Variants in ANKS4B observed in about 807,000 individuals in gnomAD.
The protein encoded by ANKS4B is ankyrin repeat and SAM domain-containing protein 4B.
In ANKS4B, 21 loss-of-function variants were observed where a neutral mutation model predicts 20.2. The ratio of observed to expected loss-of-function variants is 1.04; its 90% CI spans 0.74 to 1.50. The LOEUF (loss-of-function observed/expected upper bound fraction) is 1.50, where lower values mean the gene tolerates loss of function less well. ANKS4B is among the 40% of genes most tolerant of loss of function. The pLI, the probability that ANKS4B is intolerant of heterozygous loss-of-function variation, is 0.00. For synonymous variants in ANKS4B, 179 were observed against 194.5 expected, an observed-to-expected ratio of 0.92 and a Z score of 0.66; for missense variants, 473 against 494.6, an observed-to-expected ratio of 0.96 and a Z score of 0.41.
In ANKS4B at chr16:21,250,841, C is replaced by A; in HGVS notation, c.*21C>A. The A allele has an allele frequency of 6.4e-7, 1 of 1,566,922 alleles. No individual in the cohort carries two copies. The highest frequency in any genetic ancestry group is 8.7e-7 in the Non-Finnish European group (1 of 1,152,140). On this transcript the variant is annotated 3_prime_UTR_variant, in exon 2 of 2. Transcript: ENST00000311620. Reference sequence around the variant, plus strand: ...TGTGATGGAGAGTTTTGGCCTGGAGCATTGGGGTGATGCTGTGGCCCGCTG... The same window carrying A: ...TGTGATGGAGAGTTTTGGCCTGGAGAATTGGGGTGATGCTGTGGCCCGCTG...
chr16:21,242,581 G>GAAA (rs2093327790), intron 1 of ANKS4B, among the ~76,000 whole-genome samples: 1 of 152,126 alleles, frequency 6.6e-6, no homozygotes, highest in African/African-American at 2.4e-5. Context: ...TGTCCTCCAG[G>GAAA]CTCATCCATG....
chr16:21,241,152 A>G (rs1274672106), intron 1 of ANKS4B, among the ~76,000 whole-genome samples: 1 of 152,190 alleles, frequency 6.6e-6, no homozygotes, highest in Non-Finnish European at 1.5e-5. Flanking sequence ...GGTACACTGC[A>G]TGGTGCTGGT....
Position 21,250,224 on chromosome 16 carries a change from G to C in ANKS4B, c.658G>C (p.Gly220Arg), listed in dbSNP as rs761793526. The change falls in exon 2 of 2, where the codon GGG becomes CGG. Residue 220 changes from glycine (G) to arginine (R), a missense_variant. Coordinates refer to ENST00000311620, the MANE Select transcript of ANKS4B (RefSeq NM_145865.3). Reference sequence around the variant, plus strand: ...GAACAAAGATACAGCAGAACAGGTGGGGAAGGAAGGCAGAAGTGGGCAGAG... The same window carrying C: ...GAACAAAGATACAGCAGAACAGGTGCGGAAGGAAGGCAGAAGTGGGCAGAG... ...KKNKDTAEQV[G>R]KEGRSGQRNV... The C allele has an allele frequency of 6.2e-7, 1 of 1,614,170 alleles. No homozygotes were observed. Among genetic ancestry groups the C allele is most frequent in the Admixed American group, 1.7e-5 (1 of 60,020 alleles).
chr16:21,234,520 A>ACC (rs1555461040), intron 1 of ANKS4B, among the ~76,000 whole-genome samples: 6 of 144,456 alleles, frequency 4.2e-5, no homozygotes, highest in South Asian at 2.2e-4. Context: ...ACACACACAC[A>ACC]CCCCATCTCT....
intron 1 of ANKS4B, among the ~76,000 whole-genome samples, chr16:21,249,441 C>T (rs936957168): frequency 1.4e-4 from 22 of 152,180 alleles, no homozygotes; most frequent in African/African-American, 4.8e-4. Flanking sequence ...CACACCATTC[C>T]ACTCCAGCCT....
At chr16:21,245,276 A>G (rs1008303397) in intron 1 of ANKS4B, among the ~76,000 whole-genome samples, 7 of 152,144 alleles carry the variant, frequency 4.6e-5, no homozygotes, top group Admixed American at 4.6e-4. Flanking sequence ...CTTTGTTGAA[A>G]GAGCAAACTT....
chr16:21,234,866 C>G (rs1274092202), intron 1 of ANKS4B, among the ~76,000 whole-genome samples: 1 of 152,026 alleles, frequency 6.6e-6, no homozygotes, highest in Non-Finnish European at 1.5e-5. Context: ...CATGTTTGCT[C>G]TGAGACAGGG....
At chr16:21,247,669 G>C (rs1331941866) in intron 1 of ANKS4B, among the ~76,000 whole-genome samples, 2 of 152,144 alleles carry the variant, frequency 1.3e-5, no homozygotes, top group African/African-American at 4.8e-5. Flanking sequence ...GCATGGCTCT[G>C]GCCATCATTA....
intron 1 of ANKS4B, among the ~76,000 whole-genome samples, chr16:21,243,127 A>G (rs74494869): frequency 0.021 from 3,171 of 152,322 alleles, 102 homozygotes; most frequent in African/African-American, 0.072. Flanking sequence ...CAAAAAATCA[A>G]CTTCAGGAGG....
At chr16:21,245,480 TTTTA>T (rs945229702) in intron 1 of ANKS4B, among the ~76,000 whole-genome samples, 1 of 151,984 alleles carries the variant, frequency 6.6e-6, no homozygotes. Context: ...TTGATTTTTT[TTTTA>T]TTTTTTTGAG....
chr16:21,250,722 C>G lies in ANKS4B; in HGVS notation c.1156C>G (p.Gln386Glu). 1 of 1,610,374 alleles carries G rather than the reference C, an allele frequency of 6.2e-7. No homozygotes were observed. The highest frequency in any genetic ancestry group is 8.5e-7 in the Non-Finnish European group (1 of 1,176,814). The change falls in exon 2 of 2, where the codon CAA becomes GAA. Residue 386 changes from glutamine (Q) to glutamate (E), a missense_variant. By Grantham distance (29) the Gln-to-Glu change is conservative. Coordinates refer to ENST00000311620, the MANE Select transcript of ANKS4B (RefSeq NM_145865.3). ...CTCTGATGAGGACCTTCAGAGCATACAAATGCAGCTGGGTCCCAGGAAGAA... is the reference window on the plus strand; with the variant it reads ...CTCTGATGAGGACCTTCAGAGCATAGAAATGCAGCTGGGTCCCAGGAAGAA... ...LCSDEDLQSI[Q>E]MQLGPRKKVL...
intron 1 of ANKS4B, among the ~76,000 whole-genome samples, chr16:21,240,903 G>C (rs1424659258): frequency 6.6e-6 from 1 of 151,656 alleles, no homozygotes; most frequent in Non-Finnish European, 1.5e-5. Flanking sequence ...TGATTCTCCT[G>C]CCTCAGCTTC....
chr16:21,238,564 C>A (rs1238460469), intron 1 of ANKS4B, among the ~76,000 whole-genome samples: 1 of 151,850 alleles, frequency 6.6e-6, no homozygotes, highest in Non-Finnish European at 1.5e-5. Context: ...ACTGACTGAT[C>A]CTTTAGTGCT....
intron 1 of ANKS4B, among the ~76,000 whole-genome samples, chr16:21,240,561 AT>A (rs1186574649): frequency 6.6e-6 from 1 of 152,162 alleles, no homozygotes; most frequent in African/African-American, 2.4e-5. Flanking sequence ...ATTGAATAGA[AT>A]TGATAAAGTA....
chr16:21,245,854 G>T (rs556669499), intron 1 of ANKS4B, among the ~76,000 whole-genome samples: 1 of 152,280 alleles, frequency 6.6e-6, no homozygotes, highest in African/African-American at 2.4e-5. Context: ...TGAAATTAAG[G>T]ATTATGAGTT....
chr16:21,235,324 T>TTC (rs1341162285), intron 1 of ANKS4B, among the ~76,000 whole-genome samples: 2 of 152,048 alleles, frequency 1.3e-5, no homozygotes, highest in African/African-American at 4.8e-5. Context: ...ACTGCTCTAG[T>TTC]TCTGAGAACT....
chr16:21,241,502 C>T (rs1357345547), intron 1 of ANKS4B, among the ~76,000 whole-genome samples: 1 of 152,184 alleles, frequency 6.6e-6, no homozygotes, highest in African/African-American at 2.4e-5. Context: ...CACCCTCAGC[C>T]TCCCAGGTTC....
At chr16:21,233,936 T>C (rs759998268) in intron 1 of ANKS4B, 35 bp downstream of exon 1, 4 of 1,581,846 alleles carry the variant, frequency 2.5e-6, no homozygotes, top group Non-Finnish European at 3.4e-6. Context: ...TTGGAAACAG[T>C]GTTCATGGTA....
chr16:21,249,648 T>C, intron 1 of ANKS4B, 83 bp from the exon 2 acceptor site: 1 of 1,455,986 alleles, frequency 6.9e-7, no homozygotes, highest in South Asian at 1.4e-5. Context: ...CCTTTTGTTC[T>C]TTATTTTTGT....
Sources: gnomAD v4.1 joint callset for allele counts (sites outside exome capture counted in the v4.1 genomes callset) on GRCh38, gnomAD v4.1.1 for gene constraint, MANE v1.5 for transcripts, NCBI Gene and HGNC (gene_info 2026-07-23, HGNC 2026-07-21) for gene names.